The following DLGAP2 variants were observed in gnomAD, a reference collection of about 807,000 sequenced individuals.
The protein encoded by DLGAP2 is disks large-associated protein 2.
A neutral mutation model predicts 100.3 loss-of-function variants in DLGAP2; 26 were observed. The observed-to-expected ratio is 0.26, with a 90% CI of 0.19 to 0.36. The LOEUF is 0.36. DLGAP2 is among the 10% of genes least tolerant of loss of function. The pLI, the probability that DLGAP2 is intolerant of heterozygous loss-of-function variation, is 1.00. For synonymous variants in DLGAP2, 886 were observed against 630.1 expected, an observed-to-expected ratio of 1.41 and a Z score of -6.08; for missense variants, 1,858 against 1,453.2, an observed-to-expected ratio of 1.28 and a Z score of -4.53.
At chr8:1,159,222 G>C (rs1318259684) in intron 2 of DLGAP2, among the ~76,000 whole-genome samples, 1 of 152,194 alleles carries the variant, frequency 6.6e-6, no homozygotes, top group Non-Finnish European at 1.5e-5. Context: ...GTGAGCAATT[G>C]TTTTGGTTCT....
intron 6 of DLGAP2, among the ~76,000 whole-genome samples, chr8:1,598,697 G>C (rs536698482): frequency 4.6e-4 from 70 of 152,214 alleles, no homozygotes; most frequent in African/African-American, 1.6e-3. Flanking sequence ...ATTTCTGTGG[G>C]ATCAGTGGTG....
intron 2 of DLGAP2, among the ~76,000 whole-genome samples, chr8:1,054,317 C>T (rs1802814301): frequency 6.6e-6 from 1 of 152,120 alleles, no homozygotes. Context: ...AAGTCATTCG[C>T]AGTCATGTCT....
intron 11 of DLGAP2, among the ~76,000 whole-genome samples, chr8:1,676,925 C>G (rs1249251963): frequency 2.0e-5 from 3 of 152,180 alleles, no homozygotes; most frequent in African/African-American, 7.2e-5. Context: ...GAGGGTGACG[C>G]CAATGCAGGC....
At chr8:1,539,607 G>A (rs145467014) in intron 4 of DLGAP2, among the ~76,000 whole-genome samples, 1,657 of 151,764 alleles carry the variant, frequency 0.011, 31 homozygotes, top group African/African-American at 0.037. Flanking sequence ...CCCTCTCCAG[G>A]CCCCACTTTC....
At chr8:1,453,973 C>T (rs922710784) in intron 3 of DLGAP2, among the ~76,000 whole-genome samples, 13 of 152,166 alleles carry the variant, frequency 8.5e-5, no homozygotes, top group African/African-American at 2.2e-4. Flanking sequence ...TGGCGTGTGG[C>T]GCAGGCGATG....
At chr8:1,422,591 C>G (rs1291097647) in intron 3 of DLGAP2, among the ~76,000 whole-genome samples, 1 of 147,206 alleles carries the variant, frequency 6.8e-6, no homozygotes, top group African/African-American at 2.5e-5. Context: ...GTGGGTGGAA[C>G]AGACAGGGTG....
intron 2 of DLGAP2, among the ~76,000 whole-genome samples, chr8:1,258,362 A>G (rs186411033): frequency 1.4e-5 from 2 of 146,770 alleles, no homozygotes; most frequent in African/African-American, 2.5e-5. Flanking sequence ...ACATGATCTC[A>G]TTCGTAAGTG....
chr8:1,103,089 G>A (rs933765059), intron 2 of DLGAP2, among the ~76,000 whole-genome samples: 1 of 151,894 alleles, frequency 6.6e-6, no homozygotes, highest in East Asian at 1.9e-4. Context: ...ACTTTCTGGG[G>A]GTCTCTGAGG....
chr8:1,500,530 G>C (rs1254048845), intron 3 of DLGAP2, among the ~76,000 whole-genome samples: 4 of 152,290 alleles, frequency 2.6e-5, no homozygotes, highest in Non-Finnish European at 5.9e-5. Context: ...AACCAAGGCA[G>C]CCTGGAGAGT....
At chr8:759,438 C>T in intron 1 of DLGAP2, among the ~76,000 whole-genome samples, 1 of 150,444 alleles carries the variant, frequency 6.6e-6, no homozygotes, top group Admixed American at 6.6e-5. Flanking sequence ...GGACACGTTC[C>T]CGGGGTTGGG....
At chr8:1,390,699 G>T (rs1468630264) in intron 3 of DLGAP2, among the ~76,000 whole-genome samples, 1 of 152,182 alleles carries the variant, frequency 6.6e-6, no homozygotes, top group Non-Finnish European at 1.5e-5. Context: ...TTGGGTGCTG[G>T]TGGTGAGGGA....
intron 3 of DLGAP2, among the ~76,000 whole-genome samples, chr8:1,381,799 G>T (rs948174109): frequency 2.0e-5 from 3 of 148,724 alleles, no homozygotes; most frequent in African/African-American, 7.7e-5. Flanking sequence ...GTGTGTGTGT[G>T]TGTGTGTGTG....
chr8:1,602,937 G>A (rs939346948), intron 6 of DLGAP2, among the ~76,000 whole-genome samples: 4 of 152,262 alleles, frequency 2.6e-5, no homozygotes, highest in African/African-American at 9.6e-5. Flanking sequence ...TCAACAGAAT[G>A]AGGGGGTCTG....
intron 1 of DLGAP2, among the ~76,000 whole-genome samples, chr8:856,222 C>A (rs1228304723): frequency 3.2e-5 from 4 of 125,400 alleles, no homozygotes; most frequent in Admixed American, 9.5e-5. Flanking sequence ...GAGTTTCGCT[C>A]TTGTTGCCCA....
At chr8:1,452,909 G>T (rs550534631) in intron 3 of DLGAP2, among the ~76,000 whole-genome samples, 94 of 152,310 alleles carry the variant, frequency 6.2e-4, no homozygotes, top group Non-Finnish European at 1.1e-3. Flanking sequence ...TATTACGAAG[G>T]CCTGTGAGCC....
intron 3 of DLGAP2, among the ~76,000 whole-genome samples, chr8:1,467,415 C>G (rs1216223114): frequency 6.6e-6 from 1 of 151,508 alleles, no homozygotes; most frequent in Non-Finnish European, 1.5e-5. Flanking sequence ...GGACACCTCC[C>G]AGGAGCTCCA....
At chr8:1,046,101 C>T (rs897119847) in intron 2 of DLGAP2, among the ~76,000 whole-genome samples, 1 of 152,138 alleles carries the variant, frequency 6.6e-6, no homozygotes, top group Admixed American at 6.5e-5. Flanking sequence ...AAAAGCTGCC[C>T]AGTTACCAGT....
rs1800776003 is a variant in DLGAP2, at chr8:1,317,196, C to A, written c.106+58313C>A. 2.3e-5 allele frequency among the ~76,000 whole-genome samples: 3 copies of A among 131,232 alleles called. No individual in the cohort carries two copies. The South Asian group carries it at 7.5e-4, about 33-fold the overall frequency. 86.1% of individuals were successfully genotyped at this position (131,232 alleles called of 152,430 possible). Reference sequence around the variant, plus strand: ...TAGAGCGTGTGTGAGTGCAGCGTCTCTCCAACAGTGGTCTACACTCGAGAC... The same window carrying A: ...TAGAGCGTGTGTGAGTGCAGCGTCTATCCAACAGTGGTCTACACTCGAGAC... On this transcript the variant is annotated intron_variant, in intron 3 of 14. Transcript: ENST00000637795.
At chr8:1,314,364 A>G (rs1563077186) in intron 3 of DLGAP2, among the ~76,000 whole-genome samples, 1 of 152,198 alleles carries the variant, frequency 6.6e-6, no homozygotes. Context: ...CGCACTGTTC[A>G]CCTTGGAAGT....
Sources: gnomAD v4.1 joint callset for allele counts (sites outside exome capture counted in the v4.1 genomes callset) on GRCh38, gnomAD v4.1.1 for gene constraint, MANE v1.5 for transcripts, NCBI Gene and HGNC (gene_info 2026-07-23, HGNC 2026-07-21) for gene names.